Variants in H6PD observed in about 807,000 individuals in gnomAD.
The protein encoded by H6PD is GDH/6PGL endoplasmic bifunctional protein.
H6PD carries 48 observed loss-of-function variants against 61.2 expected under a neutral mutation model. The ratio of observed to expected loss-of-function variants is 0.78; its 90% CI spans 0.62 to 1.00. The LOEUF (loss-of-function observed/expected upper bound fraction) is 1.00. H6PD is among the 50% of genes least tolerant of loss of function. The pLI, the probability that H6PD is intolerant of heterozygous loss-of-function variation, is 0.00. For missense variants in H6PD, 1,093 were observed against 1,065.0 expected, an observed-to-expected ratio of 1.03 and a Z score of -0.37; for synonymous variants, 480 against 457.9, an observed-to-expected ratio of 1.05 and a Z score of -0.62.
rs1638723164 is a variant in H6PD at position 9,270,790 on chromosome 1, C to G, written c.*5921C>G. 6.6e-6 allele frequency: 1 copy of G among 152,250 alleles called. No homozygotes were observed. The highest frequency in any genetic ancestry group is 1.5e-5 in the Non-Finnish European group (1 of 68,092). 9.4% of individuals were successfully genotyped at this position (152,250 alleles called of 1,614,324 possible). On this transcript the variant is annotated 3_prime_UTR_variant, in exon 5 of 5. Coordinates refer to ENST00000377403, the MANE Select transcript of H6PD (RefSeq NM_004285.4). ...CAGGTGAGGAGCAGAGAGACTGTTC[C>G]CTTGGGTGGAGAGGTGTGGGCATGA...
intron 1 of H6PD, among the ~76,000 whole-genome samples, chr1:9,239,624 C>T (rs915105968): frequency 1.9e-4 from 29 of 152,174 alleles, no homozygotes; most frequent in Admixed American, 2.0e-4. Flanking sequence ...TTAGTTTGAA[C>T]TTTTGTTTTA....
chr1:9,236,050 C>T (rs1422873436), intron 1 of H6PD, among the ~76,000 whole-genome samples: 4 of 152,116 alleles, frequency 2.6e-5, no homozygotes, highest in Non-Finnish European at 5.9e-5. Context: ...AGTGCAATGG[C>T]GCGATCTCGG....
rs150510233 is a variant in H6PD, at chr1:9,263,691, T to C, written c.1198T>C (p.Phe400Leu). The change falls in exon 5 of 5, where the codon TTC becomes CTC. Residue 400 changes from phenylalanine to leucine, a missense_variant. By Grantham distance (22) the Phe-to-Leu change is conservative. Transcript: ENST00000377403. ...CCAGTGCCTGCCCCGGCAGCTCGTC[T>C]TCCACATCGGCCATGGCGACCTGGG... ...QSQCLPRQLV[F>L]HIGHGDLGSP... is the part of the protein sequence containing the mutation. The C allele has an allele frequency of 6.2e-6, 10 of 1,613,920 alleles. No individual in the cohort carries two copies. In the African/African-American group the frequency reaches 6.7e-5, roughly 11 times the overall value.
chr1:9,263,236 C>T (rs1027862957), intron 4 of H6PD, among the ~76,000 whole-genome samples: 3 of 152,186 alleles, frequency 2.0e-5, no homozygotes, highest in South Asian at 2.1e-4. Context: ...GCTCTCAGCC[C>T]GGTTCTCCTT....
intron 4 of H6PD, among the ~76,000 whole-genome samples, 195 bp from the exon 5 acceptor site, chr1:9,263,314 C>T (rs1221300011): frequency 6.6e-6 from 1 of 152,142 alleles, no homozygotes. Context: ...GAGATAGCCC[C>T]AGAGGCCGGT....
intron 3 of H6PD, among the ~76,000 whole-genome samples, chr1:9,260,140 C>G (rs1641674187): frequency 6.8e-6 from 1 of 147,864 alleles, no homozygotes; most frequent in Non-Finnish European, 1.5e-5. Context: ...TTGCTGTTAG[C>G]TGGTGTTATA....
rs779314975 is a variant in H6PD at position 9,262,226 on chromosome 1, A to T, written c.913A>T (p.Arg305Trp). ...CTTCCAGGCGCTGCGGGGCCTGCAG[A>T]GGGGCAGTGCCGTCGTGGGCCAGTA... ...QVFQALRGLQ[R>W]GSAVVGQYQS... is the part of the protein sequence containing the mutation. Residue 305 changes from arginine to tryptophan, a missense_variant, in exon 4 of 5, where the codon AGG (arginine) becomes TGG (tryptophan). Transcript: ENST00000377403. 6.2e-7 allele frequency: 1 copy of T among 1,613,676 alleles called. No individual in the cohort carries two copies. Among genetic ancestry groups the T allele is most frequent in the Admixed American group, 1.7e-5 (1 of 59,964 alleles).
At chr1:9,242,024 G>T (rs768492196) in intron 1 of H6PD, among the ~76,000 whole-genome samples, 1 of 152,140 alleles carries the variant, frequency 6.6e-6, no homozygotes. Context: ...GGGGATGGGC[G>T]CATGAAACCA....
At chr1:9,253,340 C>T (rs981201746) in intron 3 of H6PD, among the ~76,000 whole-genome samples, 3 of 152,132 alleles carry the variant, frequency 2.0e-5, no homozygotes, top group Admixed American at 6.6e-5. Flanking sequence ...GGAAAGGGGC[C>T]GCTTAGGGAT....
chr1:9,240,127 G>C, intron 1 of H6PD: 1 of 567,436 alleles, frequency 1.8e-6, no homozygotes. Flanking sequence ...CTGGCTCTAA[G>C]ATGAGCCATC....
rs561422525 is a variant in H6PD, at chr1:9,268,937, T to A, written c.*4068T>A. On this transcript the variant is annotated 3_prime_UTR_variant, in exon 5 of 5. Transcript: ENST00000377403. ...TTTGGTTTTCAAGTACAAAACTTTTTGTCCTGTAAGATATATGCAGCCTCA... is the reference window on the plus strand; with the variant it reads ...TTTGGTTTTCAAGTACAAAACTTTTAGTCCTGTAAGATATATGCAGCCTCA... 4 of 152,360 alleles carry A rather than the reference T, an allele frequency of 2.6e-5. No homozygotes were observed. In the East Asian group the frequency reaches 7.7e-4, roughly 29 times the overall value. 9.4% of individuals were successfully genotyped at this position (152,360 alleles called of 1,614,324 possible).
intron 1 of H6PD, among the ~76,000 whole-genome samples, chr1:9,240,626 C>T (rs1570078192): frequency 6.6e-6 from 1 of 152,198 alleles, no homozygotes; most frequent in Non-Finnish European, 1.5e-5. Context: ...AATGCCCCCT[C>T]CCCTTACAGC....
chr1:9,240,642 A>C (rs1172058548), intron 1 of H6PD, among the ~76,000 whole-genome samples: 3 of 152,230 alleles, frequency 2.0e-5, no homozygotes, highest in Non-Finnish European at 1.5e-5. Context: ...ACAGCTGCTC[A>C]AACTTTTCAC....
rs1138467 is a variant in H6PD at position 9,271,185 on chromosome 1, T to C, written c.*6316T>C. 66,588 of 151,948 alleles carry C rather than the reference T, an allele frequency of 0.44. 15,426 individuals carry two copies. The highest frequency in any genetic ancestry group is 0.58 in the African/African-American group (24,113 of 41,428). The allele number at this position is 151,948 out of a possible 1,614,324, so 9.4% of individuals were successfully genotyped here. On this transcript the variant is annotated 3_prime_UTR_variant, in exon 5 of 5. Transcript: ENST00000377403. ...CTGACCTCAGGTGATCCATCCGCCT[T>C]GGCCTCCCAAAGTGCTGGGATTACA...
chr1:9,261,934 C>T (rs900421988), intron 3 of H6PD, 125 bp from the exon 4 acceptor site: 9 of 963,342 alleles, frequency 9.3e-6, no homozygotes, highest in African/African-American at 1.6e-5. Context: ...TTTTTATAGG[C>T]CCTGTGGACT....
At chr1:9,242,882 C>T (rs950301957) in intron 1 of H6PD, 57 of 985,274 alleles carry the variant, frequency 5.8e-5, no homozygotes, top group African/African-American at 1.4e-4. Context: ...TCTCTCCAGA[C>T]GAGCGATTGC....
At chr1:9,255,861 G>A (rs1448153110) in intron 3 of H6PD, among the ~76,000 whole-genome samples, 1 of 152,124 alleles carries the variant, frequency 6.6e-6, no homozygotes, top group Non-Finnish European at 1.5e-5. Flanking sequence ...AAGCTCAGCC[G>A]GCTTCTTCAT....
rs1638335911 is a variant in H6PD, at chr1:9,262,212, T to G, written c.899T>G (p.Leu300Arg). 2 of 1,614,024 alleles carry G rather than the reference T, an allele frequency of 1.2e-6. No homozygotes were observed. Among genetic ancestry groups the G allele is most frequent in the East Asian group, 4.5e-5 (2 of 44,878 alleles). ...CACAAGCTTCAGGTCTTCCAGGCGC[T>G]GCGGGGCCTGCAGAGGGGCAGTGCC... The part of the protein sequence containing the change: ...LRHKLQVFQA[L>R]RGLQRGSAVV... Residue 300 changes from leucine (L) to arginine (R), a missense_variant, in exon 4 of 5, where the codon CTG becomes CGG. Physicochemically the swap from Leu to Arg is moderately radical, Grantham distance 102 (BLOSUM62 -2). Transcript: ENST00000377403.
chr1:9,241,016 A>G (rs1640981614), intron 1 of H6PD, among the ~76,000 whole-genome samples: 1 of 152,098 alleles, frequency 6.6e-6, no homozygotes, highest in Non-Finnish European at 1.5e-5. Context: ...TGACCAAGCC[A>G]GCCTTCCTCC....
Sources: allele counts gnomAD v4.1 joint callset (sites outside exome capture counted in the v4.1 genomes callset), GRCh38; gene constraint gnomAD v4.1.1; transcripts MANE v1.5; gene names NCBI Gene and HGNC (gene_info 2026-07-23, HGNC 2026-07-21).